Variants in HTR1F observed in about 807,000 individuals in gnomAD.
HTR1F encodes the protein 5-hydroxytryptamine (serotonin) receptor 1F, G protein-coupled.
HTR1F carries 17 observed loss-of-function variants against 24.0 expected under a neutral mutation model. The observed-to-expected ratio is 0.71, with a 90% CI of 0.48 to 1.06. The LOEUF is 1.06. Ranked by LOEUF, HTR1F falls within the 50% of genes least tolerant of loss-of-function variation. The pLI is 0.00. For synonymous variants in HTR1F, 186 were observed against 156.8 expected, an observed-to-expected ratio of 1.19 and a Z score of -1.39; for missense variants, 391 against 427.8, an observed-to-expected ratio of 0.91 and a Z score of 0.76.
At chr3:87,921,712 C>T (rs542984906) in intron 2 of HTR1F, among the ~76,000 whole-genome samples, 8 of 151,928 alleles carry the variant, frequency 5.3e-5, no homozygotes, top group African/African-American at 1.9e-4. Flanking sequence ...CCAACATCTC[C>T]TTATCCACTC....
intron 1 of HTR1F, among the ~76,000 whole-genome samples, chr3:87,810,413 G>C (rs544437618): frequency 1.3e-5 from 2 of 151,938 alleles, no homozygotes; most frequent in South Asian, 4.1e-4. Flanking sequence ...GGATGTCGGC[G>C]TTTTTCCCAA....
At chr3:87,954,738 A>C (rs1295317178) in intron 2 of HTR1F, among the ~76,000 whole-genome samples, 3 of 151,656 alleles carry the variant, frequency 2.0e-5, no homozygotes, top group African/African-American at 7.2e-5. Context: ...ATGTAAGGAG[A>C]ATGGGGCTTA....
rs111641556 is a variant in HTR1F at position 87,969,096 on chromosome 3, G to T, written c.-42-21612G>T. Among the ~76,000 whole-genome samples the T allele has an allele frequency of 4.5e-3, 680 of 152,370 alleles. 8 individuals carry two copies. Among genetic ancestry groups the T allele is most frequent in the African/African-American group, 0.015 (638 of 41,584 alleles). On this transcript the variant is annotated intron_variant, in intron 2 of 2. Transcript: ENST00000319595. ...TTCAGAGGATGTATGGAAACACCTGGATGTCCACCCAGAAGTTTGCTGCAG... is the reference window on the plus strand; with the variant it reads ...TTCAGAGGATGTATGGAAACACCTGTATGTCCACCCAGAAGTTTGCTGCAG...
At chr3:87,875,695 C>T (rs570625274) in intron 2 of HTR1F, among the ~76,000 whole-genome samples, 159 of 151,868 alleles carry the variant, frequency 1.0e-3, no homozygotes, top group African/African-American at 3.7e-3. Context: ...GAGGCCGAGG[C>T]GGGCAGATCA....
At chr3:87,927,538 T>C (rs902846991) in intron 2 of HTR1F, among the ~76,000 whole-genome samples, 1 of 152,164 alleles carries the variant, frequency 6.6e-6, no homozygotes, top group African/African-American at 2.4e-5. Flanking sequence ...TTGGGTTTCC[T>C]AAATGGTATA....
intron 2 of HTR1F, among the ~76,000 whole-genome samples, chr3:87,909,800 G>A (rs919787352): frequency 1.3e-5 from 2 of 151,970 alleles, no homozygotes; most frequent in Admixed American, 1.3e-4. Context: ...AGGTCTCTCA[G>A]TTGGTCTAAG....
At chr3:87,881,958 C>T (rs1449729450) in intron 2 of HTR1F, among the ~76,000 whole-genome samples, 3 of 152,268 alleles carry the variant, frequency 2.0e-5, no homozygotes, top group South Asian at 2.1e-4. Flanking sequence ...GCAACCTACT[C>T]ATCTGACAAA....
intron 2 of HTR1F, among the ~76,000 whole-genome samples, chr3:87,941,092 A>C (rs1704557115): frequency 6.6e-6 from 1 of 152,196 alleles, no homozygotes; most frequent in Non-Finnish European, 1.5e-5. Context: ...TGACATATAA[A>C]GAAGTCTTGC....
intron 2 of HTR1F, among the ~76,000 whole-genome samples, chr3:87,854,299 A>G (rs1028857060): frequency 4.0e-5 from 6 of 151,700 alleles, no homozygotes; most frequent in African/African-American, 9.7e-5. Context: ...GAATGTATTT[A>G]TTTGTGTCTT....
At chr3:87,869,093 C>A (rs1024406936) in intron 2 of HTR1F, among the ~76,000 whole-genome samples, 2 of 151,728 alleles carry the variant, frequency 1.3e-5, no homozygotes, top group African/African-American at 4.8e-5. Flanking sequence ...GCCCTCAATC[C>A]TTGAACTTTA....
At chr3:87,988,133 T>C (rs572516998) in intron 2 of HTR1F, among the ~76,000 whole-genome samples, 1 of 152,040 alleles carries the variant, frequency 6.6e-6, no homozygotes, top group Non-Finnish European at 1.5e-5. Flanking sequence ...CTCACCAGAC[T>C]TGCTGAGTCA....
chr3:87,801,517 G>A (rs111386738), intron 1 of HTR1F, among the ~76,000 whole-genome samples: 31,660 of 152,094 alleles, frequency 0.21, 3,459 homozygotes, highest in East Asian at 0.34. Context: ...GACATGAGAC[G>A]TCAATCAATA....
At chr3:87,988,535 A>T (rs1241611894) in intron 2 of HTR1F, among the ~76,000 whole-genome samples, 1 of 152,198 alleles carries the variant, frequency 6.6e-6, no homozygotes, top group East Asian at 1.9e-4. Flanking sequence ...AGTAGAACAG[A>T]ATAGAAAATA....
intron 2 of HTR1F, among the ~76,000 whole-genome samples, chr3:87,845,371 C>T (rs1704916482): frequency 6.6e-6 from 1 of 150,918 alleles, no homozygotes; most frequent in Non-Finnish European, 1.5e-5. Flanking sequence ...AGCTGATAAG[C>T]AACTTCAGCA....
chr3:87,917,723 GAATT>G (rs1703926658), intron 2 of HTR1F, among the ~76,000 whole-genome samples: 1 of 143,936 alleles, frequency 6.9e-6, no homozygotes, highest in African/African-American at 2.7e-5. Flanking sequence ...GGTAATTCAA[GAATT>G]AACAACAATA....
At chr3:87,835,121 T>C (rs1469563474) in intron 2 of HTR1F, among the ~76,000 whole-genome samples, 1 of 152,190 alleles carries the variant, frequency 6.6e-6, no homozygotes. Flanking sequence ...TGATTTTCGT[T>C]CTGGACCAAA....
At chr3:87,827,028 C>G (rs2107139775) in intron 2 of HTR1F, among the ~76,000 whole-genome samples, 1 of 152,094 alleles carries the variant, frequency 6.6e-6, no homozygotes, top group East Asian at 1.9e-4. Context: ...CCAGGCTGGT[C>G]TCAAACTCCT....
At chr3:87,932,414 T>C (rs186205640) in intron 2 of HTR1F, among the ~76,000 whole-genome samples, 220 of 152,320 alleles carry the variant, frequency 1.4e-3, no homozygotes, top group Admixed American at 5.4e-3. Context: ...ATCTCTGTTT[T>C]GGTACCAGTA....
At chr3:87,811,876 T>TG (rs1704166373) in intron 1 of HTR1F, among the ~76,000 whole-genome samples, 1 of 152,174 alleles carries the variant, frequency 6.6e-6, no homozygotes, top group African/African-American at 2.4e-5. Flanking sequence ...GTTTGGATCA[T>TG]GGGGGTAGTT....
Sources: allele counts gnomAD v4.1 joint callset (sites outside exome capture counted in the v4.1 genomes callset), GRCh38; gene constraint gnomAD v4.1.1; transcripts MANE v1.5; gene names NCBI Gene and HGNC (gene_info 2026-07-23, HGNC 2026-07-21).